Variants in ISCU observed in about 807,000 individuals in gnomAD.
The protein encoded by ISCU is iron-sulfur cluster assembly enzyme ISCU.
In ISCU, 13 loss-of-function variants were observed where a neutral mutation model predicts 18.4. The ratio of observed to expected loss-of-function variants is 0.71; its 90% CI spans 0.46 to 1.12. The LOEUF is 1.12. Ranked by LOEUF, ISCU falls within the 50% of genes most tolerant of loss-of-function variation. The pLI is 0.00. For missense variants in ISCU, 229 were observed against 208.7 expected (o/e 1.10, Z -0.60); for synonymous variants, 104 against 87.5 (o/e 1.19, Z -1.06).
At chr12:108,567,985 A>G in intron 4 of ISCU, 1 of 1,529,082 alleles carries the variant, frequency 6.5e-7, no homozygotes, top group Non-Finnish European at 8.8e-7. Context: ...AAATTAGTTA[A>G]AAATCAGCAG....
At chr12:108,566,073 C>T (rs922997205) in intron 3 of ISCU, among the ~76,000 whole-genome samples, 1 of 152,250 alleles carries the variant, frequency 6.6e-6, no homozygotes, top group Non-Finnish European at 1.5e-5. Context: ...CAGTTGCTGT[C>T]AAAACCTCTC....
At chr12:108,565,105 A>G (rs1667323541) in intron 2 of ISCU, 2 of 580,422 alleles carry the variant, frequency 3.4e-6, no homozygotes, top group Admixed American at 6.2e-5. Flanking sequence ...CATATTTTTC[A>G]GCTGATCTTT....
chr12:108,562,865 C>T lies in ISCU; in HGVS notation c.114+129C>T, dbSNP rs2030677793. On this transcript the variant is annotated intron_variant, in intron 1 of 4. Transcript: ENST00000311893. ...CCACGTCTTTGCCCTGACTCGCTTT[C>T]CCTTGCTGCGCAGTGAGGCTCACTG... 1.9e-5 allele frequency: 9 copies of T among 471,064 alleles called. No individual in the cohort carries two copies. In the East Asian group the frequency reaches 3.2e-4, roughly 17 times the overall value. The allele number at this position is 471,064 out of a possible 1,614,324, so 29.2% of individuals were successfully genotyped here.
Position 108,565,326 on chromosome 12 carries a change from A to G in ISCU, c.234A>G (p.Gln78=). The G allele has an allele frequency of 1.2e-6, 2 of 1,612,904 alleles. No individual in the cohort carries two copies. The highest frequency in any genetic ancestry group is 1.7e-6 in the Non-Finnish European group (2 of 1,178,908). ...AACTCTTGTCTCTTTTCTAGATTCA[A>G]GTGGATGAAAAGGGGAAGATTGTGG... is the stretch of plus-strand genomic sequence containing the variant. ...ACGDVMKLQI[Q]VDEKGKIVDA... The change falls in exon 3 of 5, where the codon CAA becomes CAG. Residue 78 remains glutamine (Q), a synonymous_variant. Coordinates refer to ENST00000311893, the MANE Select transcript of ISCU (RefSeq NM_213595.4).
At chr12:108,565,226 A>G (rs2030832623) in intron 2 of ISCU, 95 bp from the exon 3 acceptor site, 1 of 879,438 alleles carries the variant, frequency 1.1e-6, no homozygotes, top group South Asian at 1.3e-5. Flanking sequence ...AAGCAAGCCC[A>G]AAGCCCTTGG....
chr12:108,565,096 A>T, intron 2 of ISCU: 1 of 577,524 alleles, frequency 1.7e-6, no homozygotes, highest in East Asian at 2.8e-5. Flanking sequence ...GTGGAGGGAC[A>T]TATTTTTCAG....
At position 108,567,239 on chromosome 12, in the gene ISCU, G is replaced by C; in HGVS notation, c.389G>C (p.Cys130Ser). 6.2e-7 allele frequency: 1 copy of C among 1,614,064 alleles called. No individual in the cohort carries two copies. Among genetic ancestry groups the C allele is most frequent in the Non-Finnish European group, 8.5e-7 (1 of 1,179,962 alleles). ...IKNTDIAKEL[C>S]LPPVKLHCSM... The stretch of plus-strand genomic sequence containing the variant: ...AACACAGATATCGCCAAGGAGCTCT[G>C]CCTTCCTCCCGTGAAACTGCACTGC... Residue 130 changes from cysteine (C) to serine (S), a missense_variant, in exon 4 of 5, where the codon TGC (cysteine) becomes TCC (serine). Cys to Ser is a moderately radical substitution (Grantham distance 112). Coordinates refer to ENST00000311893, the MANE Select transcript of ISCU (RefSeq NM_213595.4).
chr12:108,568,807 CT>C, intron 4 of ISCU, 23 bp from the exon 5 acceptor site: 1 of 1,606,140 alleles, frequency 6.2e-7, no homozygotes, highest in Non-Finnish European at 8.5e-7. Flanking sequence ...GAAACTTAGG[CT>C]TCTTTCCTTC....
chr12:108,568,774 C>A, intron 4 of ISCU, 57 bp from the exon 5 acceptor site: 1 of 1,572,850 alleles, frequency 6.4e-7, no homozygotes, highest in South Asian at 1.2e-5. Context: ...ATTCTATTCC[C>A]AAGTCCATTT....
chr12:108,563,026 T>A, intron 1 of ISCU: 2 of 261,094 alleles, frequency 7.7e-6, no homozygotes, highest in Non-Finnish European at 1.4e-5. Context: ...CTTGTCTTTC[T>A]GAGTCCAGGG....
chr12:108,566,092 C>T (rs1349746608), intron 3 of ISCU, among the ~76,000 whole-genome samples: 1 of 152,242 alleles, frequency 6.6e-6, no homozygotes, highest in Non-Finnish European at 1.5e-5. Context: ...TCAGAAAAGC[C>T]AACCAGCAAG....
At chr12:108,565,081 T>A in intron 2 of ISCU, 1 of 557,624 alleles carries the variant, frequency 1.8e-6, no homozygotes, top group Admixed American at 3.2e-5. Flanking sequence ...CAAAAGAATA[T>A]TGGAGTGGAG....
Position 108,569,079 on chromosome 12 carries a change from G to A in ISCU, c.*163G>A, listed in dbSNP as rs895160327. 6 of 665,462 alleles carry A rather than the reference G, an allele frequency of 9.0e-6. No homozygotes were observed. The highest frequency in any genetic ancestry group is 4.9e-5 in the Admixed American group (2 of 41,222). 41.2% of individuals were successfully genotyped at this position (665,462 alleles called of 1,614,324 possible). A position where few individuals can be genotyped will look rare whatever the true frequency, so the allele number is the denominator to read the frequency against. ...GACTCTCATGCAAGCAAAATACACAGTTTCATTGTTCTGAATCCTGTGGTT... is the reference window on the plus strand; with the variant it reads ...GACTCTCATGCAAGCAAAATACACAATTTCATTGTTCTGAATCCTGTGGTT... On this transcript the variant is annotated 3_prime_UTR_variant, in exon 5 of 5. Coordinates refer to ENST00000311893, the MANE Select transcript of ISCU (RefSeq NM_213595.4).
At chr12:108,562,404 GC>G (rs1165042924), upstream of ISCU, among the ~76,000 whole-genome samples, 1 of 152,256 alleles carries the variant, frequency 6.6e-6, no homozygotes, top group Non-Finnish European at 1.5e-5. Flanking sequence ...CCCAGGACAA[GC>G]CCTCCAGCGA....
At position 108,567,677 on chromosome 12, in the gene ISCU, A is replaced by G. The variant is rs570357676; in HGVS notation, c.418+409A>G. 5.6e-5 allele frequency: 86 copies of G among 1,536,030 alleles called. No homozygotes were observed. In the South Asian group the frequency reaches 6.8e-4, roughly 12 times the overall value. On this transcript the variant is annotated intron_variant, in intron 4 of 4. Coordinates refer to ENST00000311893, the MANE Select transcript of ISCU (RefSeq NM_213595.4). ...TTTCAGAATCTGTGCTGTTTCCAGCAGAGGAGAAAACTCAGCTTTCGCCAT... is the reference window on the plus strand; with the variant it reads ...TTTCAGAATCTGTGCTGTTTCCAGCGGAGGAGAAAACTCAGCTTTCGCCAT...
chr12:108,564,775 T>C (rs1185425447), intron 2 of ISCU, among the ~76,000 whole-genome samples: 1 of 152,150 alleles, frequency 6.6e-6, no homozygotes, highest in South Asian at 2.1e-4. Flanking sequence ...TGTCCCCAGA[T>C]TGGGGGAAAC....
chr12:108,566,405 A>G (rs1565876064), intron 3 of ISCU, among the ~76,000 whole-genome samples: 1 of 152,378 alleles, frequency 6.6e-6, no homozygotes, highest in East Asian at 1.9e-4. Context: ...TTGTGATCAG[A>G]AAATGGGAGA....
intron 4 of ISCU, chr12:108,567,803 T>TC: frequency 6.5e-7 from 1 of 1,527,998 alleles, no homozygotes; most frequent in South Asian, 1.2e-5. Flanking sequence ...TTGTACAATG[T>TC]CCCCCTCCCT....
chr12:108,568,482 G>T, intron 4 of ISCU: 1 of 1,180,996 alleles, frequency 8.5e-7, no homozygotes, highest in Non-Finnish European at 1.1e-6. Context: ...AACATTTCCT[G>T]TGTCCCTACT....
Sources: gnomAD v4.1 joint callset for allele counts (sites outside exome capture counted in the v4.1 genomes callset) on GRCh38, gnomAD v4.1.1 for gene constraint, MANE v1.5 for transcripts, NCBI Gene and HGNC (gene_info 2026-07-23, HGNC 2026-07-21) for gene names.